Variants in WDR7 observed in about 807,000 individuals in gnomAD.
The protein encoded by WDR7 is WD repeat domain 7.
A neutral mutation model predicts 169.4 loss-of-function variants in WDR7; 46 were observed. That is an observed-to-expected ratio of 0.27 (90% confidence interval 0.21 to 0.35). WDR7 has a LOEUF of 0.35. Ranked by LOEUF, WDR7 falls within the 10% of genes least tolerant of loss-of-function variation. The probability of loss-of-function intolerance (pLI) is 1.00; values close to 1 mark genes in which losing one functional copy is unlikely to be tolerated. For synonymous variants in WDR7, 612 were observed against 666.8 expected, an observed-to-expected ratio of 0.92 and a Z score of 1.27; for missense variants, 1,534 against 1,859.3, an observed-to-expected ratio of 0.83 and a Z score of 3.22.
intron 20 of WDR7, among the ~76,000 whole-genome samples, chr18:56,847,171 A>G (rs1446586456): frequency 4.6e-5 from 7 of 152,200 alleles, no homozygotes; most frequent in Non-Finnish European, 1.0e-4. Flanking sequence ...CATGAAAGTT[A>G]TTGGGAATTA....
At chr18:56,887,300 T>C (rs1233945550) in intron 21 of WDR7, among the ~76,000 whole-genome samples, 1 of 152,152 alleles carries the variant, frequency 6.6e-6, no homozygotes, top group Non-Finnish European at 1.5e-5. Flanking sequence ...GGAGGGACTT[T>C]TGCATGATTT....
chr18:56,830,308 G>C (rs1287387614), intron 20 of WDR7, among the ~76,000 whole-genome samples: 1 of 152,088 alleles, frequency 6.6e-6, no homozygotes, highest in African/African-American at 2.4e-5. Flanking sequence ...ACAATAGAAG[G>C]GGTCATTCTT....
chr18:56,970,516 TA>T (rs1006312875), intron 26 of WDR7, among the ~76,000 whole-genome samples: 1 of 152,248 alleles, frequency 6.6e-6, no homozygotes, highest in African/African-American at 2.4e-5. Context: ...TTATTTAACA[TA>T]CTTTTTTAGA....
chr18:57,001,045 AAAAGAGAG>A (rs1428073037), intron 26 of WDR7, among the ~76,000 whole-genome samples: 3 of 109,350 alleles, frequency 2.7e-5, no homozygotes, highest in South Asian at 3.4e-4. Flanking sequence ...CCATCTCTAC[AAAAGAGAG>A]AGAGAGAGAG....
chr18:56,757,448 A>G (rs2043911223), intron 15 of WDR7, 96 bp downstream of exon 15: 3 of 1,237,320 alleles, frequency 2.4e-6, no homozygotes, highest in East Asian at 2.4e-5. Context: ...GCTCTACACA[A>G]TTTTATTATT....
intron 14 of WDR7, among the ~76,000 whole-genome samples, chr18:56,744,233 C>A (rs1435270846): frequency 8.2e-6 from 1 of 121,374 alleles, no homozygotes; most frequent in African/African-American, 3.1e-5. Flanking sequence ...AGCGAGACTC[C>A]GTCTCAAAAA....
chr18:56,860,909 T>A (rs1456335472), intron 20 of WDR7, among the ~76,000 whole-genome samples: 2 of 152,148 alleles, frequency 1.3e-5, no homozygotes, highest in South Asian at 2.1e-4. Context: ...CATTGGTTTG[T>A]ATCATATAAT....
rs766311027 is a variant in WDR7, at chr18:56,935,859, T to C, written c.3785T>C (p.Ile1262Thr). Residue 1262 changes from isoleucine to threonine, a missense_variant, in exon 23 of 28, where the codon ATT becomes ACT. Ile to Thr is a moderately conservative substitution (Grantham distance 89). Coordinates refer to ENST00000254442, the MANE Select transcript of WDR7 (RefSeq NM_015285.3). ...ARSARHALSL[I>T]ATARPPAFIT... ...TCTGCGAGGCATGCCCTCTCGCTCA[T>C]TGCCACCGCCAGACCACCCGCCTTC... 3.7e-6 allele frequency: 6 copies of C among 1,614,144 alleles called. No individual in the cohort carries two copies. The highest frequency in any genetic ancestry group is 5.1e-6 in the Non-Finnish European group (6 of 1,180,024).
rs998287813 is a variant in WDR7 at position 56,938,758 on chromosome 18, C to T, written c.3981+76C>T. On this transcript the variant is annotated intron_variant, in intron 24 of 27. Transcript: ENST00000254442. ...CTAATGAAGTAATATAAATCAGTATCTTTATTTCCAGCATCTCTAAAAGAG... is the reference window on the plus strand; with the variant it reads ...CTAATGAAGTAATATAAATCAGTATTTTTATTTCCAGCATCTCTAAAAGAG... 6 of 1,540,790 alleles carry T rather than the reference C, an allele frequency of 3.9e-6. No individual in the cohort carries two copies. The African/African-American group carries it at 7.0e-5, about 18-fold the overall frequency.
intron 14 of WDR7, among the ~76,000 whole-genome samples, chr18:56,738,437 G>A (rs1204114827): frequency 1.3e-5 from 2 of 152,068 alleles, no homozygotes; most frequent in Non-Finnish European, 2.9e-5. Flanking sequence ...ACACACCTGT[G>A]GTCCCAGCTG....
At chr18:56,754,018 A>G (rs2043834424) in intron 14 of WDR7, among the ~76,000 whole-genome samples, 1 of 152,066 alleles carries the variant, frequency 6.6e-6, no homozygotes, top group Admixed American at 6.6e-5. Context: ...ATATATAGCA[A>G]TACAAACAAA....
At chr18:57,019,420 C>A (rs2048254622) in intron 26 of WDR7, among the ~76,000 whole-genome samples, 1 of 152,148 alleles carries the variant, frequency 6.6e-6, no homozygotes, top group Non-Finnish European at 1.5e-5. Flanking sequence ...GCCTTAGGTT[C>A]CACAGTTAAT....
rs766214130 is a variant in WDR7, at chr18:56,924,092, G to A, written c.3697G>A (p.Glu1233Lys). 1.5e-5 allele frequency: 24 copies of A among 1,612,144 alleles called. No individual in the cohort carries two copies. Among genetic ancestry groups the A allele is most frequent in the African/African-American group, 4.0e-5 (3 of 74,942 alleles). ...MGLLELCADA[E>K]KQLANITMGL... is the part of the protein sequence containing the mutation. ...GCTTCTCGAACTTTGTGCCGATGCC[G>A]AGAAACAACTTGCCAAGTATGTGTG... The change falls in exon 22 of 28, where the codon GAG (glutamate) becomes AAG (lysine). Residue 1233 changes from glutamate to lysine, a missense_variant. Glu to Lys is a moderately conservative substitution (Grantham distance 56). Transcript: ENST00000254442.
chr18:56,746,591 C>G (rs2043707687), intron 14 of WDR7, among the ~76,000 whole-genome samples: 3 of 152,192 alleles, frequency 2.0e-5, no homozygotes, highest in Admixed American at 2.0e-4. Context: ...TCTGTCCCTG[C>G]AAAGGCTACC....
intron 20 of WDR7, among the ~76,000 whole-genome samples, chr18:56,851,228 C>A (rs1336219390): frequency 3.9e-5 from 6 of 152,116 alleles, no homozygotes. Context: ...CTTCATTTCT[C>A]AGCCTCTGAC....
In WDR7 at chr18:56,682,667, G is replaced by T. The variant is rs1436630363; in HGVS notation, c.346-12G>T. ...CACTCAGAAATCTTTTTTCCTTTTG[G>T]CATGAATGTAGTTCTACCAGTTCTC... On this transcript the variant is annotated splice_polypyrimidine_tract_variant and intron_variant, in intron 4 of 27. Coordinates refer to ENST00000254442, the MANE Select transcript of WDR7 (RefSeq NM_015285.3). The T allele has an allele frequency of 2.5e-6, 4 of 1,598,760 alleles. No homozygotes were observed. The highest frequency in any genetic ancestry group is 3.6e-5 in the Admixed American group (2 of 55,378).
intron 26 of WDR7, among the ~76,000 whole-genome samples, chr18:56,984,145 C>G (rs1244837312): frequency 5.3e-5 from 8 of 152,064 alleles, no homozygotes; most frequent in Non-Finnish European, 7.4e-5. Context: ...CTTCCAGCAC[C>G]TTTTCTTCAT....
intron 26 of WDR7, among the ~76,000 whole-genome samples, chr18:56,975,386 A>C (rs2047551297): frequency 6.6e-6 from 1 of 152,064 alleles, no homozygotes; most frequent in Non-Finnish European, 1.5e-5. Context: ...AGGGACTGTA[A>C]GGTTTTTGTT....
At position 56,946,021 on chromosome 18, in the gene WDR7, G is replaced by C. The variant is rs556950303; in HGVS notation, c.4064+6628G>C. Among the ~76,000 whole-genome samples, 8 of 152,342 alleles carry C rather than the reference G, an allele frequency of 5.3e-5. No homozygotes were observed. The South Asian group carries it at 1.0e-3, about 20-fold the overall frequency. Reference sequence around the variant, plus strand: ...TTAAAGACTTGATCTTAGTGCCACAGAATGCCTGCTGATGACTTTAAGTGC... The same window carrying C: ...TTAAAGACTTGATCTTAGTGCCACACAATGCCTGCTGATGACTTTAAGTGC... On this transcript the variant is annotated intron_variant, in intron 25 of 27. Coordinates refer to ENST00000254442, the MANE Select transcript of WDR7 (RefSeq NM_015285.3).
Sources: gnomAD v4.1 joint callset for allele counts (sites outside exome capture counted in the v4.1 genomes callset) on GRCh38, gnomAD v4.1.1 for gene constraint, MANE v1.5 for transcripts, NCBI Gene and HGNC (gene_info 2026-07-23, HGNC 2026-07-21) for gene names.